The following RANBP17 variants were observed in gnomAD, a reference collection of about 807,000 sequenced individuals.
RANBP17 encodes RAN binding protein 17.
Under a neutral mutation model 141.2 loss-of-function variants are expected in RANBP17, and 158 were observed. The ratio of observed to expected loss-of-function variants is 1.12; its 90% CI spans 0.98 to 1.28. The LOEUF is 1.28. RANBP17 is among the 50% of genes most tolerant of loss of function. The pLI is 0.00. For missense variants in RANBP17, 1,438 were observed against 1,290.7 expected, an observed-to-expected ratio of 1.11 and a Z score of -1.75; for synonymous variants, 430 against 450.0, an observed-to-expected ratio of 0.96 and a Z score of 0.56.
chr5:171,283,702 C>G (rs1303493361), intron 25 of RANBP17, among the ~76,000 whole-genome samples: 1 of 152,210 alleles, frequency 6.6e-6, no homozygotes, highest in Non-Finnish European at 1.5e-5. Context: ...TGTTCACGTG[C>G]ATATGTGAAC....
intron 21 of RANBP17, among the ~76,000 whole-genome samples, chr5:171,218,245 G>A (rs1763343021): frequency 6.6e-6 from 1 of 152,186 alleles, no homozygotes; most frequent in African/African-American, 2.4e-5. Flanking sequence ...TTGCACTGTG[G>A]TCTGAGAGAC....
At chr5:170,951,814 A>T (rs184434376) in intron 12 of RANBP17, among the ~76,000 whole-genome samples, 5 of 152,180 alleles carry the variant, frequency 3.3e-5, no homozygotes. Context: ...GAGTTGTGAG[A>T]TTCATCTTTG....
intron 18 of RANBP17, among the ~76,000 whole-genome samples, chr5:171,190,844 T>C (rs903059703): frequency 3.9e-5 from 6 of 152,188 alleles, no homozygotes; most frequent in African/African-American, 1.4e-4. Context: ...ATTTGCAAAT[T>C]AAGTTTTTAC....
intron 14 of RANBP17, among the ~76,000 whole-genome samples, chr5:171,003,415 A>G (rs944101876): frequency 1.3e-4 from 20 of 152,208 alleles, no homozygotes; most frequent in South Asian, 1.0e-3. Context: ...AAAGTATCCA[A>G]CCATGCCCAG....
At chr5:171,228,932 GAAA>G (rs1052734862) in intron 22 of RANBP17, among the ~76,000 whole-genome samples, 1 of 147,724 alleles carries the variant, frequency 6.8e-6, no homozygotes, top group Non-Finnish European at 1.5e-5. Flanking sequence ...TGAGAAACCA[GAAA>G]AAAAAAAGTG....
intron 14 of RANBP17, among the ~76,000 whole-genome samples, chr5:171,125,296 CAAAAAAAAA>C (rs3083436): frequency 4.7e-5 from 4 of 85,970 alleles, no homozygotes; most frequent in East Asian, 7.2e-4. Flanking sequence ...GACTATGTAT[CAAAAAAAAA>C]AAAAAAAAAA....
intron 1 of RANBP17, among the ~76,000 whole-genome samples, chr5:170,866,367 A>C (rs546640749): frequency 4.6e-5 from 7 of 151,262 alleles, no homozygotes; most frequent in African/African-American, 1.7e-4. Flanking sequence ...TAGAAATCTG[A>C]AACTACTGAG....
At chr5:171,164,271 C>T (rs1227720992) in intron 14 of RANBP17, among the ~76,000 whole-genome samples, 1 of 152,082 alleles carries the variant, frequency 6.6e-6, no homozygotes, top group South Asian at 2.1e-4. Context: ...GAGTTATAAC[C>T]AGAATGTTAG....
At chr5:171,283,720 A>G (rs946035137) in intron 25 of RANBP17, among the ~76,000 whole-genome samples, 4 of 152,252 alleles carry the variant, frequency 2.6e-5, no homozygotes, top group African/African-American at 9.6e-5. Context: ...AACCCTAAGC[A>G]GTGTGCATAT....
chr5:171,103,303 G>C (rs1787306097), intron 14 of RANBP17, among the ~76,000 whole-genome samples: 2 of 152,324 alleles, frequency 1.3e-5, no homozygotes, highest in Middle Eastern at 3.4e-3. Flanking sequence ...CCTGCCCAGA[G>C]AGGAGGAATC....
chr5:171,277,661 ATATATATT>A (rs1291990421), intron 25 of RANBP17, among the ~76,000 whole-genome samples: 25 of 133,610 alleles, frequency 1.9e-4, no homozygotes, highest in African/African-American at 4.2e-4. Context: ...ATATATATAT[ATATATATT>A]TATGTCTTAC....
chr5:171,082,713 G>A (rs908014315), intron 14 of RANBP17, among the ~76,000 whole-genome samples: 5 of 152,018 alleles, frequency 3.3e-5, no homozygotes, highest in Admixed American at 6.6e-5. Context: ...CAGTTATTGT[G>A]GGAATTATTT....
At chr5:170,932,346 T>C (rs936196821) in intron 12 of RANBP17, among the ~76,000 whole-genome samples, 10 of 152,330 alleles carry the variant, frequency 6.6e-5, no homozygotes, top group Non-Finnish European at 1.2e-4. Context: ...AATCATGTCA[T>C]CTGCAAACAG....
At chr5:171,139,122 TA>T (rs1472579912) in intron 14 of RANBP17, among the ~76,000 whole-genome samples, 1 of 151,924 alleles carries the variant, frequency 6.6e-6, no homozygotes, top group Non-Finnish European at 1.5e-5. Flanking sequence ...ATTTTAAATT[TA>T]AAAAAATTGT....
intron 14 of RANBP17, among the ~76,000 whole-genome samples, chr5:171,120,128 G>C (rs1157266334): frequency 6.6e-6 from 1 of 151,906 alleles, no homozygotes; most frequent in Non-Finnish European, 1.5e-5. Context: ...AGACAGAGCG[G>C]CTCCTGTTCT....
At chr5:170,957,474 C>T (rs946448378) in intron 13 of RANBP17, among the ~76,000 whole-genome samples, 8 of 152,280 alleles carry the variant, frequency 5.3e-5, no homozygotes, top group Admixed American at 3.9e-4. Flanking sequence ...AATCAGTACT[C>T]ATGGTGCTTT....
intron 21 of RANBP17, among the ~76,000 whole-genome samples, chr5:171,217,988 T>C (rs1230919010): frequency 6.6e-6 from 1 of 152,216 alleles, no homozygotes; most frequent in African/African-American, 2.4e-5. Flanking sequence ...TATTAGGGTG[T>C]CTATTTTAGA....
At chr5:170,904,742 C>G (rs1422084457) in intron 5 of RANBP17, among the ~76,000 whole-genome samples, 1 of 152,012 alleles carries the variant, frequency 6.6e-6, no homozygotes, top group Non-Finnish European at 1.5e-5. Context: ...TATTTATAAC[C>G]TCATATTTAG....
chr5:171,165,922 C>A (rs1191569911), intron 14 of RANBP17, among the ~76,000 whole-genome samples: 1 of 152,082 alleles, frequency 6.6e-6, no homozygotes, highest in African/African-American at 2.4e-5. Context: ...GTGTTCATCC[C>A]AGATGGGTAG....
Sources: allele counts gnomAD v4.1 joint callset (sites outside exome capture counted in the v4.1 genomes callset), GRCh38; gene constraint gnomAD v4.1.1; transcripts MANE v1.5; gene names NCBI Gene and HGNC (gene_info 2026-07-23, HGNC 2026-07-21).